PTPRD: variants seen among roughly 807,000 people sequenced by gnomAD.
PTPRD encodes receptor-type tyrosine-protein phosphatase delta.
A neutral mutation model predicts 214.5 loss-of-function variants in PTPRD; 34 were observed. The observed-to-expected ratio is 0.16, with a 90% CI of 0.12 to 0.21. The LOEUF is 0.21. Among genes scored for constraint, PTPRD ranks in the 10% least tolerant of loss-of-function variants. PTPRD has a pLI of 1.00. For synonymous variants in PTPRD, 1,128 were observed against 845.7 expected, an observed-to-expected ratio of 1.33 and a Z score of -5.79; for missense variants, 2,545 against 2,398.7, an observed-to-expected ratio of 1.06 and a Z score of -1.27.
At chr9:9,724,423 T>C (rs1398863848) in intron 7 of PTPRD, among the ~76,000 whole-genome samples, 1 of 152,128 alleles carries the variant, frequency 6.6e-6, no homozygotes, top group Non-Finnish European at 1.5e-5. Flanking sequence ...CAGAGTTACG[T>C]CACTTGTACT....
intron 2 of PTPRD, among the ~76,000 whole-genome samples, chr9:10,573,765 G>A (rs969377359): frequency 6.6e-6 from 1 of 152,124 alleles, no homozygotes; most frequent in Non-Finnish European, 1.5e-5. Flanking sequence ...ATAAGAAAAT[G>A]AGGAAGTTGA....
chr9:9,844,314 T>C lies in PTPRD; in HGVS notation c.-367-77463A>G, dbSNP rs1192633319. ...GCTGTACATTAGATCATAATGCCAC[T>C]AGACATCATGCTAAGTGAAATAAGC... On this transcript the variant is annotated intron_variant, in intron 5 of 45. Coordinates refer to ENST00000381196, the MANE Select transcript of PTPRD (RefSeq NM_002839.4). 2.6e-5 allele frequency among the ~76,000 whole-genome samples: 4 copies of C among 152,070 alleles called. No homozygotes were observed. In the South Asian group the frequency reaches 8.3e-4, roughly 32 times the overall value.
chr9:9,754,169 C>A (rs904226147), intron 6 of PTPRD, among the ~76,000 whole-genome samples: 1 of 152,022 alleles, frequency 6.6e-6, no homozygotes, highest in African/African-American at 2.4e-5. Flanking sequence ...TTCTGTGAAA[C>A]AGAATTAATG....
chr9:9,610,240 C>A (rs1173788999), intron 7 of PTPRD, among the ~76,000 whole-genome samples: 1 of 152,118 alleles, frequency 6.6e-6, no homozygotes, highest in African/African-American at 2.4e-5. Context: ...AGTCCTTGAA[C>A]AACTACAACA....
intron 3 of PTPRD, among the ~76,000 whole-genome samples, chr9:10,330,352 G>A (rs954349987): frequency 6.6e-6 from 1 of 151,848 alleles, no homozygotes; most frequent in Admixed American, 6.6e-5. Flanking sequence ...AGAGAATAAA[G>A]GCAAGTTGCA....
At chr9:10,308,651 G>A (rs1036189628) in intron 3 of PTPRD, among the ~76,000 whole-genome samples, 9 of 151,908 alleles carry the variant, frequency 5.9e-5, no homozygotes, top group Non-Finnish European at 1.3e-4. Context: ...TATTTTGGGA[G>A]GTATAGTCAT....
At chr9:9,242,615 TC>T (rs2099970933) in intron 9 of PTPRD, among the ~76,000 whole-genome samples, 1 of 152,294 alleles carries the variant, frequency 6.6e-6, no homozygotes, top group Middle Eastern at 3.4e-3. Flanking sequence ...TGATACCCTT[TC>T]TTCCAGTTGA....
chr9:9,778,210 G>A (rs1268012330), intron 5 of PTPRD, among the ~76,000 whole-genome samples: 2 of 152,344 alleles, frequency 1.3e-5, no homozygotes, highest in Non-Finnish European at 2.9e-5. Flanking sequence ...ACCCTGCACA[G>A]CATAAGGGAA....
At position 8,504,354 on chromosome 9, in the gene PTPRD, G is replaced by C. The variant is rs1290614392; in HGVS notation, c.1729C>G (p.Pro577Ala). The C allele has an allele frequency of 5.6e-6, 9 of 1,614,018 alleles. No individual in the cohort carries two copies. Among genetic ancestry groups the C allele is most frequent in the Middle Eastern group, 1.6e-4 (1 of 6,084 alleles). Residue 577 changes from proline to alanine, a missense_variant, in exon 23 of 46, where the codon CCA becomes GCA. Physicochemically the swap from Pro to Ala is conservative, Grantham distance 27. Transcript: ENST00000381196. ...AGACGGAAATAGTATAAGCTGTTTG[G>C]TTTCAGTCCTTGCAGCCTATATGAT... ...GTSYRLQGLK[P>A]NSLYYFRLAA...
chr9:10,555,866 T>A (rs1401034090), intron 2 of PTPRD, among the ~76,000 whole-genome samples: 1 of 151,604 alleles, frequency 6.6e-6, no homozygotes, highest in Admixed American at 6.6e-5. Flanking sequence ...TAAGAAAATA[T>A]CAAATTAGTG....
In PTPRD at chr9:9,899,786, T is replaced by A. The variant is rs187453934; in HGVS notation, c.-368+38721A>T. On this transcript the variant is annotated intron_variant, in intron 5 of 45. Transcript: ENST00000381196. ...ACAGCACTATTTACAATAACAAAGA[T>A]ATAGAATCAACTTAAGTGTCCATCA... Among the ~76,000 whole-genome samples the A allele has an allele frequency of 2.8e-3, 418 of 151,932 alleles. 2 individuals are homozygous for A. The highest frequency in any genetic ancestry group is 4.8e-3 in the Non-Finnish European group (326 of 67,956).
intron 19 of PTPRD, among the ~76,000 whole-genome samples, chr9:8,523,138 C>A (rs536262502): frequency 6.6e-6 from 1 of 152,136 alleles, no homozygotes; most frequent in East Asian, 1.9e-4. Context: ...AGTCTTCATG[C>A]TTGGGATTAG....
rs537405812 is a variant in PTPRD at position 9,990,092 on chromosome 9, G to A, written c.-472+43626C>T. Among the ~76,000 whole-genome samples, 69 of 152,254 alleles carry A rather than the reference G, an allele frequency of 4.5e-4. No homozygotes were observed. In the South Asian group the frequency reaches 0.014, roughly 31 times the overall value. ...TCCTCTGAGCTATGCCACTTACAGG[G>A]GAGAGGATTCAACCATCTCTCTCTT... is the stretch of plus-strand genomic sequence containing the variant. On this transcript the variant is annotated intron_variant, in intron 4 of 45. Transcript: ENST00000381196.
At chr9:8,335,507 C>T (rs959754026) in intron 43 of PTPRD, among the ~76,000 whole-genome samples, 10 of 152,160 alleles carry the variant, frequency 6.6e-5, no homozygotes, top group Admixed American at 2.0e-4. Flanking sequence ...ATAAGAAGAG[C>T]TATTTATGAT....
At chr9:9,509,391 A>C (rs113606252) in intron 8 of PTPRD, among the ~76,000 whole-genome samples, 20 of 151,572 alleles carry the variant, frequency 1.3e-4, no homozygotes, top group African/African-American at 4.8e-4. Context: ...CTTTCTCAGG[A>C]AACCAGCCAG....
Position 9,949,679 on chromosome 9 carries a change from GAAAC to G in PTPRD, c.-471-11073_-471-11070del, listed in dbSNP as rs201686287. On this transcript the variant is annotated intron_variant, in intron 4 of 45. Transcript: ENST00000381196. The stretch of plus-strand genomic sequence containing the variant: ...CACTTTCATTGGAAACTCTGGCAAA[GAAAC>G]AAACAAACAAACTAACAACAACAAC... Among the ~76,000 whole-genome samples, 1,261 of 152,102 alleles carry G rather than the reference GAAAC, an allele frequency of 8.3e-3. 14 individuals are homozygous for G. The highest frequency in any genetic ancestry group is 0.029 in the African/African-American group (1,186 of 41,474).
At chr9:8,986,523 CAG>C (rs35821816) in intron 11 of PTPRD, among the ~76,000 whole-genome samples, 4,355 of 151,512 alleles carry the variant, frequency 0.029, 205 homozygotes, top group African/African-American at 0.097. Context: ...TTTCATTCAA[CAG>C]TTTATCATAA....
intron 3 of PTPRD, among the ~76,000 whole-genome samples, chr9:10,160,299 G>C (rs1592750693): frequency 1.3e-5 from 2 of 151,980 alleles, no homozygotes; most frequent in Non-Finnish European, 2.9e-5. Flanking sequence ...TTTGAAGCAT[G>C]AGGATATTGA....
chr9:9,756,617 C>A (rs2098584072), intron 6 of PTPRD, among the ~76,000 whole-genome samples: 1 of 151,986 alleles, frequency 6.6e-6, no homozygotes, highest in South Asian at 2.1e-4. Flanking sequence ...ACAGAGTTTT[C>A]CTTTGGGGTA....
Sources: allele counts gnomAD v4.1 joint callset (sites outside exome capture counted in the v4.1 genomes callset), GRCh38; gene constraint gnomAD v4.1.1; transcripts MANE v1.5; gene names NCBI Gene and HGNC (gene_info 2026-07-23, HGNC 2026-07-21).